The following ANKS1A variants were observed in gnomAD, a reference collection of about 807,000 sequenced individuals.
ANKS1A encodes the protein ankyrin repeat and sterile alpha motif domain containing 1A, also known as ankyrin repeat and SAM domain-containing protein 1A.
ANKS1A carries 55 observed loss-of-function variants against 120.3 expected under a neutral mutation model. That is an observed-to-expected ratio of 0.46 (90% CI 0.37 to 0.57). The LOEUF is 0.57. Ranked by LOEUF, ANKS1A falls within the 20% of genes least tolerant of loss-of-function variation. The probability of loss-of-function intolerance (pLI) is 0.00; values close to 1 mark genes in which losing one functional copy is unlikely to be tolerated. For synonymous variants in ANKS1A, 590 were observed against 604.7 expected, an observed-to-expected ratio of 0.98 and a Z score of 0.36; for missense variants, 1,123 against 1,480.3, an observed-to-expected ratio of 0.76 and a Z score of 3.96.
At chr6:34,942,420 C>T (rs888626672) in intron 1 of ANKS1A, among the ~76,000 whole-genome samples, 1 of 152,224 alleles carries the variant, frequency 6.6e-6, no homozygotes, top group Admixed American at 6.5e-5. Context: ...ATGTGACTTA[C>T]TGGCTTCTAG....
At chr6:35,096,921 C>T in the ANKS1A span, among the ~76,000 whole-genome samples, 2 of 151,686 alleles carry the variant, frequency 1.3e-5, no homozygotes, top group Admixed American at 1.3e-4. Context: ...AAAACACACA[C>T]AAACCCTCCA....
chr6:35,095,005 A>G (rs1018592401), downstream of ANKS1A, among the ~76,000 whole-genome samples: 3 of 151,678 alleles, frequency 2.0e-5, no homozygotes, highest in African/African-American at 7.3e-5. Flanking sequence ...GCTGGGCGTG[A>G]TGGTGTGTGC....
chr6:35,023,194 A>G (rs1267299909), intron 11 of ANKS1A, among the ~76,000 whole-genome samples: 2 of 152,088 alleles, frequency 1.3e-5, no homozygotes, highest in Non-Finnish European at 2.9e-5. Flanking sequence ...TTCTGACCTA[A>G]GGCTCCTCAC....
chr6:35,095,645 G>T (rs796872196), downstream of ANKS1A, among the ~76,000 whole-genome samples: 478 of 130,432 alleles, frequency 3.7e-3, 5 homozygotes, highest in African/African-American at 0.013. Context: ...AGTCACTTTT[G>T]TGTTAAAAAA....
At chr6:34,947,099 G>A (rs1490463039) in intron 1 of ANKS1A, among the ~76,000 whole-genome samples, 1 of 148,162 alleles carries the variant, frequency 6.7e-6, no homozygotes, top group Non-Finnish European at 1.5e-5. Flanking sequence ...TAGGTGTCTA[G>A]TATGATACTT....
intron 1 of ANKS1A, among the ~76,000 whole-genome samples, chr6:34,922,192 T>C (rs1479876696): frequency 3.3e-5 from 5 of 152,142 alleles, no homozygotes; most frequent in Non-Finnish European, 5.9e-5. Context: ...TGTTCACTTA[T>C]TATATTTTAA....
chr6:34,983,438 T>A lies in ANKS1A; in HGVS notation c.1012+13T>A, dbSNP rs1484505742. ...CAGAAGTCTCAGGGTAAGGTAACTC[T>A]CCCCTATGAGTAAAGGGGTGCTCAG... is the stretch of plus-strand genomic sequence containing the variant. On this transcript the variant is annotated intron_variant, in intron 7 of 23. Transcript: ENST00000360359. The A allele has an allele frequency of 6.3e-7, 1 of 1,597,998 alleles. No individual in the cohort carries two copies. The highest frequency in any genetic ancestry group is 8.6e-7 in the Non-Finnish European group (1 of 1,168,588).
At chr6:34,946,798 T>G (rs1182358907) in intron 1 of ANKS1A, among the ~76,000 whole-genome samples, 2 of 152,208 alleles carry the variant, frequency 1.3e-5, no homozygotes, top group Non-Finnish European at 2.9e-5. Context: ...TACAGAAATA[T>G]CAATACAACT....
chr6:35,038,808 A>G (rs1242556726), intron 11 of ANKS1A, among the ~76,000 whole-genome samples: 1 of 152,128 alleles, frequency 6.6e-6, no homozygotes, highest in Non-Finnish European at 1.5e-5. Flanking sequence ...TCTGTGCTTC[A>G]GTTGTTCTTT....
intron 1 of ANKS1A, 145 bp from the exon 2 acceptor site, chr6:34,967,094 G>A (rs1156394574): frequency 4.3e-6 from 3 of 691,396 alleles, no homozygotes; most frequent in Non-Finnish European, 7.5e-6. Context: ...TATAGCTGCT[G>A]TGTGTTATCA....
At position 35,044,817 on chromosome 6, in the gene ANKS1A, C is replaced by T. The variant is rs1775637491; in HGVS notation, c.2011-9282C>T. 6.6e-6 allele frequency among the ~76,000 whole-genome samples: 1 copy of T among 152,152 alleles called. No homozygotes were observed. The highest frequency in any genetic ancestry group is 1.5e-5 in the Non-Finnish European group (1 of 68,022). Reference sequence around the variant, plus strand: ...AGATAGAATTTTGTTTATTTTGGAACCAGATAAATGTGAATGGCAAGTACA... The same window carrying T: ...AGATAGAATTTTGTTTATTTTGGAATCAGATAAATGTGAATGGCAAGTACA... On this transcript the variant is annotated intron_variant, in intron 11 of 23. Coordinates refer to ENST00000360359, the MANE Select transcript of ANKS1A (RefSeq NM_015245.3). The surrounding 1 kb of genome is among the most constrained non-coding windows in gnomAD (Gnocchi z 4.4).
chr6:34,987,172 G>A (rs1257726800), intron 8 of ANKS1A, among the ~76,000 whole-genome samples: 1 of 152,050 alleles, frequency 6.6e-6, no homozygotes, highest in South Asian at 2.1e-4. Context: ...TATGGCAAAG[G>A]GCCTGTTTAC....
At chr6:34,979,955 T>C (rs538712860) in intron 3 of ANKS1A, among the ~76,000 whole-genome samples, 1 of 152,312 alleles carries the variant, frequency 6.6e-6, no homozygotes, top group South Asian at 2.1e-4. Flanking sequence ...CAGAGAAATG[T>C]TGGGTTAAAA....
Position 35,089,668 on chromosome 6 carries a change from C to A in ANKS1A, c.*1059C>A. ...AGGTGACAGTGCATCGATGCTCCCC[C>A]GCGTGGCCTTTGGGGCAGGCTGGCA... On this transcript the variant is annotated 3_prime_UTR_variant, in exon 24 of 24. Coordinates refer to ENST00000360359, the MANE Select transcript of ANKS1A (RefSeq NM_015245.3). 1.0e-6 allele frequency: 1 copy of A among 992,386 alleles called. No individual in the cohort carries two copies. The highest frequency in any genetic ancestry group is 1.2e-6 in the Non-Finnish European group (1 of 834,128). 61.5% of individuals were successfully genotyped at this position (992,386 alleles called of 1,614,324 possible). A position where few individuals can be genotyped will look rare whatever the true frequency, so the allele number is the denominator to read the frequency against.
At chr6:35,014,407 TCCTC>T (rs1426437633) in intron 10 of ANKS1A, among the ~76,000 whole-genome samples, 1 of 152,208 alleles carries the variant, frequency 6.6e-6, no homozygotes, top group East Asian at 1.9e-4. Flanking sequence ...CAGAGATTCT[TCCTC>T]CACATATTTC....
intron 10 of ANKS1A, among the ~76,000 whole-genome samples, chr6:35,001,050 C>T (rs1030799388): frequency 6.6e-6 from 1 of 152,108 alleles, no homozygotes; most frequent in Non-Finnish European, 1.5e-5. Context: ...AAAAACTTAC[C>T]TTATGGTCAA....
rs192395490 is a variant in ANKS1A, at chr6:34,982,304, G to A, written c.732+318G>A. 9.2e-5 allele frequency among the ~76,000 whole-genome samples: 14 copies of A among 152,188 alleles called. No individual in the cohort carries two copies. In the East Asian group the frequency reaches 1.9e-3, roughly 21 times the overall value. On this transcript the variant is annotated intron_variant, in intron 4 of 23. Coordinates refer to ENST00000360359, the MANE Select transcript of ANKS1A (RefSeq NM_015245.3). The surrounding 1 kb of genome is among the most constrained non-coding windows in gnomAD (Gnocchi z 4.9). ...TGTGTTCCCACTGCCACCATTTAGC[G>A]CCTCCACAGTCTCATCAGCTTGACG...
rs151056468 is a variant in ANKS1A at position 35,043,696 on chromosome 6, A to G, written c.2011-10403A>G. On this transcript the variant is annotated intron_variant, in intron 11 of 23. Transcript: ENST00000360359. ...GGAAGTCATTTTTTAAAAAGAATCA[A>G]ACAATTTAACCCCAATGGATAGATG... 4.6e-5 allele frequency among the ~76,000 whole-genome samples: 7 copies of G among 152,314 alleles called. No individual in the cohort carries two copies. The East Asian group carries it at 9.6e-4, about 21-fold the overall frequency.
chr6:34,895,214 T>TTTTTAAAAA (rs1767014125), intron 1 of ANKS1A, among the ~76,000 whole-genome samples: 1 of 147,192 alleles, frequency 6.8e-6, no homozygotes, highest in Non-Finnish European at 1.5e-5. Context: ...TTTTTTTAAT[T>TTTTTAAAAA]AAAAAAAAAA....
Sources: gnomAD v4.1 joint callset for allele counts (sites outside exome capture counted in the v4.1 genomes callset) on GRCh38, gnomAD v4.1.1 for gene constraint, Gnocchi (gnomAD v3.1) non-coding constraint, MANE v1.5 for transcripts, NCBI Gene and HGNC (gene_info 2026-07-23, HGNC 2026-07-21) for gene names.